The following PARD3B variants were observed in gnomAD, a reference collection of about 807,000 sequenced individuals.
PARD3B encodes partitioning defective 3 homolog B.
PARD3B carries 103 observed loss-of-function variants against 130.2 expected under a neutral mutation model. The observed-to-expected ratio is 0.79, with a 90% confidence interval of 0.67 to 0.93. PARD3B has a LOEUF of 0.93. Ranked by LOEUF, PARD3B falls within the 40% of genes least tolerant of loss-of-function variation. PARD3B has a pLI of 0.00. For synonymous variants in PARD3B, 583 were observed against 553.2 expected, an observed-to-expected ratio of 1.05 and a Z score of -0.76; for missense variants, 1,609 against 1,499.2, an observed-to-expected ratio of 1.07 and a Z score of -1.21.
intron 6 of PARD3B, among the ~76,000 whole-genome samples, chr2:205,117,915 G>GTACACACACACACACACACACACACACA (rs1553617387): frequency 3.7e-5 from 5 of 133,500 alleles, no homozygotes; most frequent in African/African-American, 1.5e-4. Context: ...ATGTATGTGT[G>GTACACACACACACACACACACACACACA]TACACACACA....
At chr2:205,532,937 C>T (rs2051667671) in intron 21 of PARD3B, among the ~76,000 whole-genome samples, 1 of 152,106 alleles carries the variant, frequency 6.6e-6, no homozygotes, top group African/African-American at 2.4e-5. Flanking sequence ...AAGTGTGCTG[C>T]TGAATATGAT....
Position 205,584,833 on chromosome 2 carries a change from A to G in PARD3B, c.3261-30623A>G, listed in dbSNP as rs1418334731. ...ACCCTGCTGAAAGTTTGAAGAGCTCATGTTCAGCCTGAGCCTTCTTTTTTG... is the reference window on the plus strand; with the variant it reads ...ACCCTGCTGAAAGTTTGAAGAGCTCGTGTTCAGCCTGAGCCTTCTTTTTTG... On this transcript the variant is annotated intron_variant, in intron 22 of 22. Coordinates refer to ENST00000406610, the MANE Select transcript of PARD3B (RefSeq NM_001302769.2). The surrounding 1 kb of genome is among the most constrained non-coding windows in gnomAD (Gnocchi z 5.5). 6.6e-6 allele frequency among the ~76,000 whole-genome samples: 1 copy of G among 152,176 alleles called. No homozygotes were observed. Among genetic ancestry groups the G allele is most frequent in the Non-Finnish European group, 1.5e-5 (1 of 68,036 alleles).
intron 21 of PARD3B, among the ~76,000 whole-genome samples, chr2:205,538,967 A>G (rs923650652): frequency 6.6e-6 from 1 of 152,202 alleles, no homozygotes; most frequent in Non-Finnish European, 1.5e-5. Flanking sequence ...TCGCATTTAC[A>G]GATGAGAGAA....
At chr2:205,534,500 G>A (rs558728034) in intron 21 of PARD3B, among the ~76,000 whole-genome samples, 5 of 151,994 alleles carry the variant, frequency 3.3e-5, no homozygotes, top group East Asian at 3.9e-4. Context: ...TTACTGTGTC[G>A]CCTAGGCTAG....
chr2:205,455,546 T>G (rs1575067607), intron 20 of PARD3B, among the ~76,000 whole-genome samples: 1 of 152,060 alleles, frequency 6.6e-6, no homozygotes, highest in Non-Finnish European at 1.5e-5. Flanking sequence ...TTAGTAGATT[T>G]TTTTTTTCCA....
rs77583708 is a variant in PARD3B, at chr2:205,446,445, G to C, written c.3044+5773G>C. On this transcript the variant is annotated intron_variant, in intron 20 of 22. Transcript: ENST00000406610. The surrounding 1 kb of genome is among the most constrained non-coding windows in gnomAD (Gnocchi z 4.4). ...TAATATAGCCTTGCATCCTGTGATG[G>C]TTAAATATGATTTTACATTTTGCAT... Among the ~76,000 whole-genome samples, 380 of 152,230 alleles carry C rather than the reference G, an allele frequency of 2.5e-3. 12 individuals carry two copies. The East Asian group carries it at 0.064, about 26-fold the overall frequency.
chr2:205,489,500 T>TATATATACTTATATATACAC (rs1559141226), intron 20 of PARD3B, among the ~76,000 whole-genome samples: 1 of 139,410 alleles, frequency 7.2e-6, no homozygotes, highest in Non-Finnish European at 1.5e-5. Context: ...TATGTGTGTA[T>TATATATACTTATATATACAC]ATATATATAC....
At chr2:205,294,187 TAA>T (rs1365234328) in intron 16 of PARD3B, among the ~76,000 whole-genome samples, 1 of 152,100 alleles carries the variant, frequency 6.6e-6, no homozygotes, top group African/African-American at 2.4e-5. Flanking sequence ...AACAAAAGAT[TAA>T]AACAAACCAG....
intron 2 of PARD3B, among the ~76,000 whole-genome samples, chr2:204,934,799 C>T (rs1688288758): frequency 6.6e-6 from 1 of 152,034 alleles, no homozygotes; most frequent in Non-Finnish European, 1.5e-5. Flanking sequence ...ATTTATTAGT[C>T]AGTTTGATAA....
intron 1 of PARD3B, among the ~76,000 whole-genome samples, chr2:204,637,458 A>G (rs1289456626): frequency 2.0e-5 from 3 of 152,158 alleles, no homozygotes; most frequent in Non-Finnish European, 4.4e-5. Context: ...TAAATAATAC[A>G]TAATGTCTGA....
chr2:205,138,015 T>C (rs55910082), intron 10 of PARD3B, among the ~76,000 whole-genome samples: 1,836 of 152,326 alleles, frequency 0.012, 23 homozygotes, highest in Non-Finnish European at 0.019. Context: ...CAAGGAGATA[T>C]AATTCATGGA....
intron 16 of PARD3B, among the ~76,000 whole-genome samples, chr2:205,255,060 T>G (rs1372581088): frequency 1.3e-5 from 2 of 152,036 alleles, no homozygotes; most frequent in Non-Finnish European, 2.9e-5. Context: ...ACCCTCCATC[T>G]ACAGGTTCCC....
At chr2:204,767,112 T>C (rs1186053784) in intron 2 of PARD3B, among the ~76,000 whole-genome samples, 1 of 109,414 alleles carries the variant, frequency 9.1e-6, no homozygotes, top group African/African-American at 3.4e-5. Flanking sequence ...ATGTGTCATC[T>C]AGCATTAGGT....
chr2:204,729,407 T>C (rs950766298), intron 2 of PARD3B, among the ~76,000 whole-genome samples: 19 of 152,170 alleles, frequency 1.2e-4, no homozygotes, highest in African/African-American at 4.3e-4. Context: ...TGTGCTTTTG[T>C]AGGTGTTAAC....
chr2:204,802,177 A>G (rs1005726133), intron 2 of PARD3B, among the ~76,000 whole-genome samples: 1 of 152,200 alleles, frequency 6.6e-6, no homozygotes, highest in African/African-American at 2.4e-5. Context: ...AAAAGTGGGC[A>G]AAGGATATGA....
At chr2:205,208,646 G>C (rs1320222800) in intron 15 of PARD3B, among the ~76,000 whole-genome samples, 9 of 143,476 alleles carry the variant, frequency 6.3e-5, no homozygotes, top group African/African-American at 1.1e-4. Context: ...AAAATACCTA[G>C]GAATCCAACT....
chr2:205,588,459 T>C (rs1195241894), intron 22 of PARD3B, among the ~76,000 whole-genome samples: 1 of 152,166 alleles, frequency 6.6e-6, no homozygotes, highest in East Asian at 1.9e-4. Context: ...CAAACATGAG[T>C]GATTGGAGTT....
At chr2:204,930,697 A>G (rs73984428) in intron 2 of PARD3B, among the ~76,000 whole-genome samples, 2,847 of 152,100 alleles carry the variant, frequency 0.019, 85 homozygotes, top group African/African-American at 0.065. Flanking sequence ...TTTTGGGGCT[A>G]TTAGAGCCCT....
At chr2:205,528,401 A>C (rs1445344223) in intron 21 of PARD3B, among the ~76,000 whole-genome samples, 5 of 152,144 alleles carry the variant, frequency 3.3e-5, no homozygotes, top group Admixed American at 1.3e-4. Flanking sequence ...AGGCAGAAAC[A>C]TCTATGAGTC....
Sources: allele counts gnomAD v4.1 joint callset (sites outside exome capture counted in the v4.1 genomes callset), GRCh38; gene constraint gnomAD v4.1.1; non-coding constraint Gnocchi (gnomAD v3.1); transcripts MANE v1.5; gene names NCBI Gene and HGNC (gene_info 2026-07-23, HGNC 2026-07-21).